Variants in VAX2 observed in about 807,000 individuals in gnomAD.
VAX2 encodes ventral anterior homeobox 2.
Under a neutral mutation model 12.5 loss-of-function variants are expected in VAX2, and 8 were observed. That is an observed-to-expected ratio of 0.64 (90% confidence interval 0.37 to 1.15). VAX2 has a LOEUF of 1.15. VAX2 is among the 50% of genes most tolerant of loss of function. The pLI is 0.01. For missense variants in VAX2, 476 were observed against 412.9 expected (o/e 1.15, Z -1.32); for synonymous variants, 183 against 187.6 (o/e 0.98, Z 0.20).
intron 1 of VAX2, among the ~76,000 whole-genome samples, chr2:70,902,851 T>A (rs938315105): frequency 1.3e-5 from 2 of 152,214 alleles, no homozygotes; most frequent in South Asian, 4.1e-4. Context: ...TCAGGGGGTG[T>A]ACTTTTATAA....
At chr2:70,927,652 G>C (rs1679603545) in intron 2 of VAX2, among the ~76,000 whole-genome samples, 1 of 152,036 alleles carries the variant, frequency 6.6e-6, no homozygotes, top group Non-Finnish European at 1.5e-5. Context: ...CAAAGAAGCT[G>C]GTGGATAATC....
chr2:70,920,713 T>C (rs1284605844), intron 1 of VAX2, among the ~76,000 whole-genome samples: 1 of 152,040 alleles, frequency 6.6e-6, no homozygotes, highest in Non-Finnish European at 1.5e-5. Flanking sequence ...AAGCCTTACC[T>C]GATTGATCAC....
intron 1 of VAX2, among the ~76,000 whole-genome samples, chr2:70,920,169 G>A (rs1679420914): frequency 6.6e-6 from 1 of 152,204 alleles, no homozygotes; most frequent in African/African-American, 2.4e-5. Context: ...TTTGTAGGGA[G>A]TGATTTTGTA....
intron 1 of VAX2, among the ~76,000 whole-genome samples, chr2:70,913,736 A>G (rs1317114719): frequency 6.6e-6 from 1 of 152,162 alleles, no homozygotes; most frequent in Admixed American, 6.5e-5. Context: ...TACATTTATT[A>G]TCTGTCTCCC....
rs201863357 is a variant in VAX2 at position 70,932,881 on chromosome 2, C to T, written c.550C>T (p.Arg184Trp). The T allele has an allele frequency of 7.4e-5, 120 of 1,613,542 alleles. No homozygotes were observed. Among genetic ancestry groups the T allele is most frequent in the Non-Finnish European group, 7.0e-5 (83 of 1,179,958 alleles). ...SEAFATSNIL[R>W]LLEQGRLLSV... ...GGCCTTTGCCACCTCCAACATTCTGCGGCTGCTGGAGCAGGGCCGGCTGCT... is the reference window on the plus strand; with the variant it reads ...GGCCTTTGCCACCTCCAACATTCTGTGGCTGCTGGAGCAGGGCCGGCTGCT... Residue 184 changes from arginine (R) to tryptophan (W), a missense_variant, in exon 3 of 3, where the codon CGG becomes TGG. Physicochemically the swap from Arg to Trp is moderately radical, Grantham distance 101 (BLOSUM62 -3). Coordinates refer to ENST00000234392, the MANE Select transcript of VAX2 (RefSeq NM_012476.3).
intron 1 of VAX2, among the ~76,000 whole-genome samples, chr2:70,910,680 G>C (rs1679161855): frequency 6.6e-6 from 1 of 151,150 alleles, no homozygotes; most frequent in Admixed American, 6.6e-5. Context: ...TTCTCTATCG[G>C]ATCACTAATT....
At chr2:70,908,417 T>C (rs762386961) in intron 1 of VAX2, among the ~76,000 whole-genome samples, 2 of 152,236 alleles carry the variant, frequency 1.3e-5, no homozygotes, top group Non-Finnish European at 2.9e-5. Flanking sequence ...TTTATGCCTA[T>C]GGAAATCAGT....
At chr2:70,930,783 G>T (rs1415205746) in intron 2 of VAX2, among the ~76,000 whole-genome samples, 1 of 152,254 alleles carries the variant, frequency 6.6e-6, no homozygotes. Flanking sequence ...CACAGCAGTT[G>T]CTGGACTATT....
At position 70,933,066 on chromosome 2, in the gene VAX2, G is replaced by C. The variant is rs1679739216; in HGVS notation, c.735G>C (p.Leu245=). 1 of 1,607,856 alleles carries C rather than the reference G, an allele frequency of 6.2e-7. No homozygotes were observed. The highest frequency in any genetic ancestry group is 1.7e-5 in the Admixed American group (1 of 59,084). ...ASASPPLPPP[L]PAVCFSSAPL... ...CGTCCCCCCCACTGCCGCCCCCTCT[G>C]CCAGCTGTCTGCTTTTCCTCGGCCC... Residue 245 remains leucine, a synonymous_variant, in exon 3 of 3, where the codon CTG becomes CTC. Coordinates refer to ENST00000234392, the MANE Select transcript of VAX2 (RefSeq NM_012476.3).
chr2:70,911,378 T>G (rs564278821), intron 1 of VAX2, among the ~76,000 whole-genome samples: 1 of 152,254 alleles, frequency 6.6e-6, no homozygotes, highest in South Asian at 2.1e-4. Flanking sequence ...TTTTCCCCCT[T>G]TTCTCCCTCT....
At chr2:70,921,461 G>A (rs1027644049) in intron 2 of VAX2, among the ~76,000 whole-genome samples, 176 bp downstream of exon 2, 3 of 152,110 alleles carry the variant, frequency 2.0e-5, no homozygotes, top group East Asian at 1.9e-4. Context: ...TAAATATAGC[G>A]CCGACCACAG....
rs1165838627 is a variant in VAX2 at position 70,904,505 on chromosome 2, C to A, written c.247+3637C>A. Among the ~76,000 whole-genome samples, 2 of 152,206 alleles carry A rather than the reference C, an allele frequency of 1.3e-5. No homozygotes were observed. The highest frequency in any genetic ancestry group is 3.9e-4 in the East Asian group (2 of 5,188). On this transcript the variant is annotated intron_variant, in intron 1 of 2. Coordinates refer to ENST00000234392, the MANE Select transcript of VAX2 (RefSeq NM_012476.3). This position sits in a 1 kb window ranked among gnomAD's most constrained non-coding sequence, Gnocchi z 4.2. The stretch of plus-strand genomic sequence containing the variant: ...GGGAAATTCTGTCCACCAGCGTCAC[C>A]CAACACAGCAACTTTTACAGACAAT...
At chr2:70,901,090 C>T (rs2104752253) in intron 1 of VAX2, among the ~76,000 whole-genome samples, 1 of 152,388 alleles carries the variant, frequency 6.6e-6, no homozygotes, top group East Asian at 1.9e-4. Flanking sequence ...CCCCGTTTCT[C>T]CGCCTCTCGG....
intron 2 of VAX2, among the ~76,000 whole-genome samples, chr2:70,922,714 C>T (rs1354231135): frequency 6.6e-6 from 1 of 152,152 alleles, no homozygotes; most frequent in East Asian, 1.9e-4. Flanking sequence ...CCTGCAGGGC[C>T]GGGTCATCTC....
intron 1 of VAX2, among the ~76,000 whole-genome samples, chr2:70,911,389 T>C (rs528644691): frequency 1.3e-5 from 2 of 152,298 alleles, no homozygotes; most frequent in South Asian, 2.1e-4. Context: ...TTCTCCCTCT[T>C]GCAAACTATG....
intron 2 of VAX2, among the ~76,000 whole-genome samples, chr2:70,923,802 G>A (rs1476980868): frequency 6.6e-6 from 1 of 151,934 alleles, no homozygotes; most frequent in African/African-American, 2.4e-5. Context: ...CCACGTGTTC[G>A]CCAACCAGAA....
At chr2:70,921,735 A>T (rs1399114500) in intron 2 of VAX2, among the ~76,000 whole-genome samples, 2 of 152,018 alleles carry the variant, frequency 1.3e-5, no homozygotes, top group African/African-American at 4.8e-5. Flanking sequence ...CCCACCCTCC[A>T]TCACCTTCCC....
chr2:70,928,774 T>C (rs1313145600), intron 2 of VAX2, among the ~76,000 whole-genome samples: 1 of 152,212 alleles, frequency 6.6e-6, no homozygotes, highest in Non-Finnish European at 1.5e-5. Context: ...CTGTGTCTCC[T>C]CTCCCTCTAG....
At chr2:70,900,930 C>T in intron 1 of VAX2, 62 bp downstream of exon 1, 1 of 1,271,996 alleles carries the variant, frequency 7.9e-7, no homozygotes, top group Non-Finnish European at 9.9e-7. Flanking sequence ...CTGGGGCCCC[C>T]GACCTAGCTG....
Sources: gnomAD v4.1 joint callset for allele counts (sites outside exome capture counted in the v4.1 genomes callset) on GRCh38, gnomAD v4.1.1 for gene constraint, Gnocchi (gnomAD v3.1) non-coding constraint, MANE v1.5 for transcripts, NCBI Gene and HGNC (gene_info 2026-07-23, HGNC 2026-07-21) for gene names.